Variants in CDH13 observed in about 807,000 individuals in gnomAD.
CDH13 encodes the protein cadherin 13.
In CDH13, 24 loss-of-function variants were observed where a neutral mutation model predicts 63.8. The ratio of observed to expected loss-of-function variants is 0.38; its 90% CI spans 0.27 to 0.53. The LOEUF is 0.53. Among genes scored for constraint, CDH13 ranks in the 20% least tolerant of loss-of-function variants. The probability of loss-of-function intolerance (pLI) is 0.85; values close to 1 mark genes in which losing one functional copy is unlikely to be tolerated. For missense variants in CDH13, 1,049 were observed against 903.1 expected (o/e 1.16, Z -2.07); for synonymous variants, 503 against 355.3 (o/e 1.42, Z -4.67).
Position 83,502,879 on chromosome 16 carries a change from A to C in CDH13, c.960+16224A>C, listed in dbSNP as rs2074313281. 2.0e-5 allele frequency among the ~76,000 whole-genome samples: 3 copies of C among 152,348 alleles called. No homozygotes were observed. The South Asian group carries it at 6.2e-4, about 32-fold the overall frequency. On this transcript the variant is annotated intron_variant, in intron 7 of 13. Transcript: ENST00000567109. The stretch of plus-strand genomic sequence containing the variant: ...ATCTTTCTCAGGCATCTCCATCGAC[A>C]GTGGGGTCTCCCTAGAAGGCTGGGT...
At chr16:83,505,194 C>A (rs1388635970) in intron 7 of CDH13, among the ~76,000 whole-genome samples, 2 of 152,176 alleles carry the variant, frequency 1.3e-5, no homozygotes, top group African/African-American at 4.8e-5. Flanking sequence ...CCTCCAGATC[C>A]CCAGGCTTCC....
chr16:83,471,270 C>A (rs1214233139), intron 6 of CDH13, among the ~76,000 whole-genome samples: 1 of 124,074 alleles, frequency 8.1e-6, no homozygotes, highest in Non-Finnish European at 1.6e-5. Flanking sequence ...ATTTTTCTAA[C>A]CACCCTTTTT....
chr16:83,217,748 C>T (rs1165481958), intron 5 of CDH13, among the ~76,000 whole-genome samples: 1 of 152,078 alleles, frequency 6.6e-6, no homozygotes, highest in East Asian at 1.9e-4. Flanking sequence ...AAGGGAGACC[C>T]TGGGGGCATC....
chr16:83,713,238 T>A (rs899897607), intron 10 of CDH13, among the ~76,000 whole-genome samples: 8 of 152,222 alleles, frequency 5.3e-5, no homozygotes, highest in African/African-American at 1.4e-4. Context: ...GGGTCCTTCA[T>A]GGACGCATTG....
At chr16:83,538,667 G>A (rs1326072175) in intron 7 of CDH13, among the ~76,000 whole-genome samples, 1 of 152,184 alleles carries the variant, frequency 6.6e-6, no homozygotes, top group African/African-American at 2.4e-5. Flanking sequence ...TTTTTATCAG[G>A]GATGTGGATG....
At chr16:83,647,972 C>T (rs1911993220) in intron 8 of CDH13, among the ~76,000 whole-genome samples, 1 of 152,196 alleles carries the variant, frequency 6.6e-6, no homozygotes, top group African/African-American at 2.4e-5. Context: ...CCACAACTGC[C>T]TGATAAGGTA....
intron 3 of CDH13, among the ~76,000 whole-genome samples, chr16:83,093,336 G>A (rs1383243175): frequency 1.4e-5 from 1 of 73,554 alleles, no homozygotes; most frequent in East Asian, 4.1e-4. Context: ...TTTTTTTGAG[G>A]TGGAGTCTTC....
intron 2 of CDH13, among the ~76,000 whole-genome samples, chr16:83,001,592 G>A (rs1433323489): frequency 1.3e-5 from 2 of 152,206 alleles, no homozygotes; most frequent in Non-Finnish European, 2.9e-5. Context: ...ATGTAAATCA[G>A]TAGAGTTCTA....
chr16:83,130,771 G>T (rs1290274652), intron 4 of CDH13, among the ~76,000 whole-genome samples: 2 of 152,176 alleles, frequency 1.3e-5, no homozygotes, highest in African/African-American at 4.8e-5. Flanking sequence ...TTTCAAGAGG[G>T]TGAATGGAGA....
At chr16:83,182,794 T>C (rs1004221838) in intron 4 of CDH13, among the ~76,000 whole-genome samples, 1 of 152,232 alleles carries the variant, frequency 6.6e-6, no homozygotes, top group African/African-American at 2.4e-5. Flanking sequence ...CACAAAATTA[T>C]AAAGTAAAAT....
intron 3 of CDH13, among the ~76,000 whole-genome samples, chr16:83,089,827 A>C (rs12926360): frequency 0.35 from 53,808 of 152,072 alleles, 9,949 homozygotes; most frequent in Middle Eastern, 0.54. Context: ...TTTCACGTGC[A>C]TACAGATTAC....
At chr16:83,464,776 G>A (rs148588354) in intron 6 of CDH13, among the ~76,000 whole-genome samples, 1 of 152,268 alleles carries the variant, frequency 6.6e-6, no homozygotes, top group East Asian at 1.9e-4. Flanking sequence ...GGGTAGACGT[G>A]AATTTGGGGA....
chr16:83,140,974 AG>A (rs2036506133), intron 4 of CDH13, among the ~76,000 whole-genome samples: 1 of 152,250 alleles, frequency 6.6e-6, no homozygotes, highest in Admixed American at 6.5e-5. Context: ...ATTGCTAAAC[AG>A]ACAATTTTCA....
chr16:83,133,208 A>G (rs1316342267), intron 4 of CDH13, among the ~76,000 whole-genome samples: 3 of 152,210 alleles, frequency 2.0e-5, no homozygotes, highest in Non-Finnish European at 4.4e-5. Context: ...ATTTTAATCT[A>G]TTTACAGATA....
At position 83,682,662 on chromosome 16, in the gene CDH13, CTCTGTCTCTTTGCCTG is replaced by C. The variant is rs1461504253; in HGVS notation, c.1538+4211_1538+4226del. Among the ~76,000 whole-genome samples, 10 of 152,250 alleles carry C rather than the reference CTCTGTCTCTTTGCCTG, an allele frequency of 6.6e-5. No homozygotes were observed. In the South Asian group the frequency reaches 2.1e-3, roughly 32 times the overall value. On this transcript the variant is annotated intron_variant, in intron 10 of 13. Transcript: ENST00000567109. ...TATCCGGCCTCACTCCTCCTCCTTC[CTCTGTCTCTTTGCCTG>C]TCTGTCTCTCTGCTGCTCTGTCTCT...
intron 1 of CDH13, among the ~76,000 whole-genome samples, chr16:82,853,481 TA>T (rs2039573725): frequency 6.6e-6 from 1 of 152,192 alleles, no homozygotes; most frequent in Non-Finnish European, 1.5e-5. Flanking sequence ...TTACAATAAT[TA>T]ACTCACTTAA....
chr16:83,551,904 A>G lies in CDH13; in HGVS notation c.961-50550A>G, dbSNP rs536496261. Among the ~76,000 whole-genome samples, 6 of 152,290 alleles carry G rather than the reference A, an allele frequency of 3.9e-5. No individual in the cohort carries two copies. The South Asian group carries it at 1.2e-3, about 32-fold the overall frequency. Reference sequence around the variant, plus strand: ...TACTTAATGTTAGTTGAAAGAAAAAATGGATGGATGAATGGATGGATGGAT... The same window carrying G: ...TACTTAATGTTAGTTGAAAGAAAAAGTGGATGGATGAATGGATGGATGGAT... On this transcript the variant is annotated intron_variant, in intron 7 of 13. Coordinates refer to ENST00000567109, the MANE Select transcript of CDH13 (RefSeq NM_001257.5).
chr16:82,917,899 A>G (rs2042038143), intron 2 of CDH13, among the ~76,000 whole-genome samples: 1 of 144,532 alleles, frequency 6.9e-6, no homozygotes, highest in Admixed American at 6.9e-5. Flanking sequence ...TGGGCAACAG[A>G]GAGAGACTCC....
intron 7 of CDH13, among the ~76,000 whole-genome samples, chr16:83,601,459 G>A (rs1023923792): frequency 6.6e-6 from 1 of 152,162 alleles, no homozygotes; most frequent in Non-Finnish European, 1.5e-5. Context: ...CTTGTGTTAA[G>A]TTTATCAAAT....
Sources: allele counts gnomAD v4.1 joint callset (sites outside exome capture counted in the v4.1 genomes callset), GRCh38; gene constraint gnomAD v4.1.1; transcripts MANE v1.5; gene names NCBI Gene and HGNC (gene_info 2026-07-23, HGNC 2026-07-21).